The following FSIP2 variants were observed in gnomAD, a reference collection of about 807,000 sequenced individuals.
FSIP2 encodes the protein fibrous sheath-interacting protein 2.
FSIP2 carries 367 observed loss-of-function variants against 510.5 expected under a neutral mutation model. The observed-to-expected ratio is 0.72, with a 90% CI of 0.66 to 0.78. FSIP2 has a LOEUF of 0.78. Ranked by LOEUF, FSIP2 falls within the 30% of genes least tolerant of loss-of-function variation. The pLI is 0.00. For missense variants in FSIP2, 7,594 were observed against 7,901.7 expected (o/e 0.96, Z 1.48); for synonymous variants, 2,601 against 2,732.2 (o/e 0.95, Z 1.50).
chr2:185,739,148 C>G lies in FSIP2; in HGVS notation c.99+155C>G, dbSNP rs1691867159. On this transcript the variant is annotated intron_variant, in intron 1 of 22. Coordinates refer to ENST00000424728, the MANE Select transcript of FSIP2 (RefSeq NM_173651.4). ...GCGCCCGGGGGCGGTGGCGGTGGCT[C>G]GGACTGTACCGGCCGCAACTGGCAG... 3.4e-6 allele frequency: 4 copies of G among 1,175,758 alleles called. No individual in the cohort carries two copies. The African/African-American group carries it at 6.3e-5, about 18-fold the overall frequency. The allele number at this position is 1,175,758 out of a possible 1,614,324, so 72.8% of individuals were successfully genotyped here.
rs980648684 is a variant in FSIP2 at position 185,766,734 on chromosome 2, T to C, written c.1411+2169T>C. On this transcript the variant is annotated intron_variant, in intron 13 of 22. Transcript: ENST00000424728. Reference sequence around the variant, plus strand: ...CACTGTTGGTGGGACTGTAAACTAGTTCAACCATTGTGGAAGTCAGTGTGA... The same window carrying C: ...CACTGTTGGTGGGACTGTAAACTAGCTCAACCATTGTGGAAGTCAGTGTGA... Among the ~76,000 whole-genome samples the C allele has an allele frequency of 1.1e-3, 169 of 149,520 alleles. 1 individual carries two copies. Among genetic ancestry groups the C allele is most frequent in the African/African-American group, 3.9e-3 (161 of 41,012 alleles).
At chr2:185,810,563 T>C (rs796974920) in intron 17 of FSIP2, among the ~76,000 whole-genome samples, 1 of 94,716 alleles carries the variant, frequency 1.1e-5, no homozygotes, top group African/African-American at 4.0e-5. Context: ...TTTTTTTTTT[T>C]ATAAATTACC....
At chr2:185,748,512 C>A (rs1172506208) in intron 7 of FSIP2, among the ~76,000 whole-genome samples, 1 of 151,882 alleles carries the variant, frequency 6.6e-6, no homozygotes, top group Non-Finnish European at 1.5e-5. Flanking sequence ...ACCAAGTTGT[C>A]CTCTTCATTT....
At chr2:185,829,437 T>A (rs1002241188) in intron 21 of FSIP2, among the ~76,000 whole-genome samples, 1 of 151,922 alleles carries the variant, frequency 6.6e-6, no homozygotes, top group Non-Finnish European at 1.5e-5. Flanking sequence ...TATTTGCATA[T>A]CCTCTGGCTT....
Position 185,800,854 on chromosome 2 carries a change from T to C in FSIP2, c.11548T>C (p.Ser3850Pro). Residue 3850 changes from serine to proline, a missense_variant, in exon 17 of 23, where the codon TCA becomes CCA. Transcript: ENST00000424728. ...TATTATTTCCCACAGCTTGGTTAAA[T>C]CATTGATGGACAAATTATCTCACAG... ...LTIISHSLVK[S>P]LMDKLSHSIQ... The C allele has an allele frequency of 6.5e-7, 1 of 1,534,384 alleles. No individual in the cohort carries two copies. Among genetic ancestry groups the C allele is most frequent in the Non-Finnish European group, 8.7e-7 (1 of 1,145,674 alleles).
In FSIP2 at chr2:185,797,077, C is replaced by G; in HGVS notation, c.9941C>G (p.Pro3314Arg). 6.5e-7 allele frequency: 1 copy of G among 1,535,134 alleles called. No homozygotes were observed. The highest frequency in any genetic ancestry group is 2.0e-5 in the Admixed American group (1 of 50,898). Residue 3314 changes from proline to arginine, a missense_variant, in exon 16 of 23, where the codon CCA becomes CGA. Transcript: ENST00000424728. ...GAGAACCTAAAACCAGTTGTTGAAC[C>G]AAACCAAATTCAGACAACCATTTCC... ...HYENLKPVVE[P>R]NQIQTTISPL...
chr2:185,829,479 A>G (rs368959629), intron 21 of FSIP2, among the ~76,000 whole-genome samples: 4 of 151,972 alleles, frequency 2.6e-5, no homozygotes, highest in Non-Finnish European at 2.9e-5. Flanking sequence ...CTGGCATTAC[A>G]TAGATCAACT....
chr2:185,790,225 A>G lies in FSIP2; in HGVS notation c.3089A>G (p.Gln1030Arg), dbSNP rs565193317. The change falls in exon 16 of 23, where the codon CAG (glutamine) becomes CGG (arginine). Residue 1030 changes from glutamine to arginine, a missense_variant. By Grantham distance (43) the Gln-to-Arg change is conservative. Transcript: ENST00000424728. ...FKDEKVKSQE[Q>R]IPNHWFTKGN... The stretch of plus-strand genomic sequence containing the variant: ...GATGAAAAAGTAAAATCACAAGAAC[A>G]GATTCCTAATCATTGGTTTACAAAG... The G allele has an allele frequency of 1.2e-5, 19 of 1,532,226 alleles. No individual in the cohort carries two copies. Among genetic ancestry groups the G allele is most frequent in the Non-Finnish European group, 1.7e-5 (19 of 1,145,118 alleles). 94.9% of individuals were successfully genotyped at this position (1,532,226 alleles called of 1,614,324 possible). A position where few individuals can be genotyped will look rare whatever the true frequency, so the allele number is the denominator to read the frequency against.
In FSIP2 at chr2:185,807,916, T is replaced by C. The variant is rs1394749930; in HGVS notation, c.18610T>C (p.Ser6204Pro). ...FPKVHKERTKSLETDMQKITS... is the reference protein window; with the variant it reads ...FPKVHKERTKPLETDMQKITS... ...AAAAGTACATAAAGAAAGAACAAAATCTCTAGAGACTGATATGCAAAAAAT... is the reference window on the plus strand; with the variant it reads ...AAAAGTACATAAAGAAAGAACAAAACCTCTAGAGACTGATATGCAAAAAAT... Residue 6204 changes from serine (S) to proline (P), a missense_variant, in exon 17 of 23, where the codon TCT becomes CCT. Ser to Pro is a moderately conservative substitution (Grantham distance 74). Coordinates refer to ENST00000424728, the MANE Select transcript of FSIP2 (RefSeq NM_173651.4). 3 of 1,601,950 alleles carry C rather than the reference T, an allele frequency of 1.9e-6. No homozygotes were observed. The highest frequency in any genetic ancestry group is 1.1e-5 in the South Asian group (1 of 88,594).
chr2:185,749,708 T>C (rs1257036685), intron 7 of FSIP2, among the ~76,000 whole-genome samples: 1 of 151,810 alleles, frequency 6.6e-6, no homozygotes, highest in African/African-American at 2.4e-5. Flanking sequence ...TTTTGACTGG[T>C]GATTTGTTTG....
Position 185,792,467 on chromosome 2 carries a change from T to G in FSIP2, c.5331T>G (p.Ile1777Met). ...TCAAAGAACCACATATATCTCCAAT[T>G]GCTCCCATTATAAGAAATATTTTGA... ...VKLKEPHISP[I>M]APIIRNILNE... is the part of the protein sequence containing the mutation. Residue 1777 changes from isoleucine (I) to methionine (M), a missense_variant, in exon 16 of 23, where the codon ATT becomes ATG. Coordinates refer to ENST00000424728, the MANE Select transcript of FSIP2 (RefSeq NM_173651.4). 6.5e-7 allele frequency: 1 copy of G among 1,531,080 alleles called. No homozygotes were observed. The highest frequency in any genetic ancestry group is 8.7e-7 in the Non-Finnish European group (1 of 1,142,980). The allele number at this position is 1,531,080 out of a possible 1,614,324, so 94.8% of individuals were successfully genotyped here.
At chr2:185,746,843 A>G (rs1441802971) in intron 6 of FSIP2, 33 bp downstream of exon 6, 1 of 1,393,082 alleles carries the variant, frequency 7.2e-7, no homozygotes, top group Non-Finnish European at 9.6e-7. Flanking sequence ...TATTAACAGA[A>G]AAATTGTGTA....
chr2:185,825,682 C>A (rs1022143995), intron 20 of FSIP2, among the ~76,000 whole-genome samples: 5 of 151,856 alleles, frequency 3.3e-5, no homozygotes, highest in Middle Eastern at 3.4e-3. Context: ...GTTCTTATAT[C>A]TTTTAGTAAT....
At position 185,794,960 on chromosome 2, in the gene FSIP2, C is replaced by T. The variant is rs1235152127; in HGVS notation, c.7824C>T (p.Val2608=). 1.8e-5 allele frequency: 28 copies of T among 1,532,862 alleles called. No homozygotes were observed. The highest frequency in any genetic ancestry group is 3.9e-5 in the Admixed American group (2 of 50,788). The allele number at this position is 1,532,862 out of a possible 1,614,324, so 95.0% of individuals were successfully genotyped here. The part of the protein sequence containing the change: ...RYAISQAYSY[V]DSQNISVMEN... Reference sequence around the variant, plus strand: ...CGATATCACAGGCTTATTCTTATGTCGACAGTCAAAATATCTCTGTGATGG... The same window carrying T: ...CGATATCACAGGCTTATTCTTATGTTGACAGTCAAAATATCTCTGTGATGG... Residue 2608 remains valine, a synonymous_variant, in exon 16 of 23, where the codon GTC becomes GTT. Coordinates refer to ENST00000424728, the MANE Select transcript of FSIP2 (RefSeq NM_173651.4).
At chr2:185,799,579 T>TTTTC (rs1482193052) in intron 16 of FSIP2, 118 bp from the exon 17 acceptor site, 54 of 455,046 alleles carry the variant, frequency 1.2e-4, no homozygotes, top group Non-Finnish European at 1.7e-4. Context: ...TTGTTTAGAT[T>TTTTC]TTTCTTTAGT....
Position 185,805,159 on chromosome 2 carries a change from G to A in FSIP2, c.15853G>A (p.Val5285Ile), listed in dbSNP as rs1361574817. 1.2e-6 allele frequency: 2 copies of A among 1,609,936 alleles called. No homozygotes were observed. The highest frequency in any genetic ancestry group is 1.7e-6 in the Non-Finnish European group (2 of 1,177,730). ...TFLEDIIIDL[V>I]HKFCSLLIIT... ...TTTGGAAGACATAATCATTGACCTT[G>A]TTCACAAATTTTGTTCTCTCCTCAT... is the stretch of plus-strand genomic sequence containing the variant. Residue 5285 changes from valine (V) to isoleucine (I), a missense_variant, in exon 17 of 23, where the codon GTT (valine) becomes ATT (isoleucine). Coordinates refer to ENST00000424728, the MANE Select transcript of FSIP2 (RefSeq NM_173651.4).
chr2:185,790,638 C>G lies in FSIP2; in HGVS notation c.3502C>G (p.Gln1168Glu), dbSNP rs1025869283. Residue 1168 changes from glutamine to glutamate, a missense_variant, in exon 16 of 23, where the codon CAA (glutamine) becomes GAA (glutamate). Transcript: ENST00000424728. ...FSVSEISTVAQEITDSVLNIL... is the reference protein window; with the variant it reads ...FSVSEISTVAEEITDSVLNIL... ...TGTTTCAGAAATCAGTACAGTGGCTCAAGAAATAACAGATTCTGTGTTAAA... is the reference window on the plus strand; with the variant it reads ...TGTTTCAGAAATCAGTACAGTGGCTGAAGAAATAACAGATTCTGTGTTAAA... 4 of 1,533,760 alleles carry G rather than the reference C, an allele frequency of 2.6e-6. No homozygotes were observed. The East Asian group carries it at 9.8e-5, about 38-fold the overall frequency.
chr2:185,795,966 A>ACTC lies in FSIP2; in HGVS notation c.8831_8833dup (p.Thr2944_Leu2945insPro). 2 of 1,534,706 alleles carry ACTC rather than the reference A, an allele frequency of 1.3e-6. No homozygotes were observed. Among genetic ancestry groups the ACTC allele is most frequent in the Non-Finnish European group, 8.7e-7 (1 of 1,145,988 alleles). On this transcript the variant is annotated inframe_insertion, in exon 16 of 23. Transcript: ENST00000424728. ...AATTCCCACTCCAGATAGTGAAGAA[A>ACTC]CTCTATCAAACAGTAAAGAACACAT...
intron 19 of FSIP2, among the ~76,000 whole-genome samples, chr2:185,820,790 T>A (rs772839986): frequency 2.6e-5 from 4 of 151,330 alleles, no homozygotes; most frequent in Non-Finnish European, 4.4e-5. Context: ...ACTTAAGGGA[T>A]ACAACAAAAA....
Sources: allele counts gnomAD v4.1 joint callset (sites outside exome capture counted in the v4.1 genomes callset), GRCh38; gene constraint gnomAD v4.1.1; transcripts MANE v1.5; gene names NCBI Gene and HGNC (gene_info 2026-07-23, HGNC 2026-07-21).